The following TP53BP1 variants were observed in gnomAD, a reference collection of about 807,000 sequenced individuals.
The protein encoded by TP53BP1 is tumor protein p53 binding protein 1.
In TP53BP1, 61 loss-of-function variants were observed where a neutral mutation model predicts 200.8. The ratio of observed to expected loss-of-function variants is 0.30; its 90% CI spans 0.25 to 0.38. The LOEUF (loss-of-function observed/expected upper bound fraction) is 0.38. Ranked by LOEUF, TP53BP1 falls within the 10% of genes least tolerant of loss-of-function variation. The pLI is 1.00. For synonymous variants in TP53BP1, 822 were observed against 844.3 expected (o/e 0.97, Z 0.46); for missense variants, 2,144 against 2,371.9 (o/e 0.90, Z 2.00).
At chr15:43,465,414 T>C (rs1162886055) in intron 11 of TP53BP1, among the ~76,000 whole-genome samples, 1 of 152,116 alleles carries the variant, frequency 6.6e-6, no homozygotes, top group Admixed American at 6.5e-5. Flanking sequence ...TAGCCACTGT[T>C]TTTTTAATGA....
Position 43,492,058 on chromosome 15 carries a change from T to C in TP53BP1, c.230A>G (p.Glu77Gly). 1 of 1,614,152 alleles carries C rather than the reference T, an allele frequency of 6.2e-7. No individual in the cohort carries two copies. The highest frequency in any genetic ancestry group is 8.5e-7 in the Non-Finnish European group (1 of 1,179,982). Residue 77 changes from glutamate (E) to glycine (G), a missense_variant, in exon 3 of 28, where the codon GAA becomes GGA. Transcript: ENST00000382044. ...VSNPEQTAGE[E>G]RGDGNSGFNE... Reference sequence around the variant, plus strand: ...GAACCCACTATTACCGTCTCCTCGTTCTTCTCCAGCTGTTTGTTCAGGATT... The same window carrying C: ...GAACCCACTATTACCGTCTCCTCGTCCTTCTCCAGCTGTTTGTTCAGGATT...
intron 1 of TP53BP1, among the ~76,000 whole-genome samples, chr15:43,509,514 T>C (rs887013011): frequency 6.6e-6 from 1 of 152,128 alleles, no homozygotes; most frequent in East Asian, 1.9e-4. Context: ...GTTCAAGTGG[T>C]TCTCCTGCCT....
chr15:43,485,300 G>A (rs908815510), intron 4 of TP53BP1, among the ~76,000 whole-genome samples: 3 of 152,078 alleles, frequency 2.0e-5, no homozygotes, highest in Admixed American at 6.6e-5. Context: ...TACTTTGGCC[G>A]GGCACGGTGG....
chr15:43,436,636 G>A (rs955614264), intron 16 of TP53BP1, among the ~76,000 whole-genome samples: 8 of 150,040 alleles, frequency 5.3e-5, no homozygotes, highest in South Asian at 4.2e-4. Context: ...CACCACATCC[G>A]GCTTTTTTTT....
Position 43,420,339 on chromosome 15 carries a change from C to G in TP53BP1, c.4647G>C (p.Val1549=), listed in dbSNP as rs777795174. 2 of 1,614,136 alleles carry G rather than the reference C, an allele frequency of 1.2e-6. No individual in the cohort carries two copies. The highest frequency in any genetic ancestry group is 1.7e-6 in the Non-Finnish European group (2 of 1,179,968). ...AATACTCATCCTCCGAGAGGGCCGT[C>G]ACTTCAGTGTCCAGCGGGATGGGGT... The part of the protein sequence containing the change: ...LCDPIPLDTE[V]TALSEDEYFS... The change falls in exon 21 of 28, where the codon GTG becomes GTC. Residue 1549 remains valine (V), a synonymous_variant. Transcript: ENST00000382044.
chr15:43,461,345 G>A (rs1303579571), intron 11 of TP53BP1, among the ~76,000 whole-genome samples: 3 of 151,640 alleles, frequency 2.0e-5, no homozygotes, highest in East Asian at 1.9e-4. Flanking sequence ...TCAGCCTCCC[G>A]AGTAGCTGGG....
At position 43,446,622 on chromosome 15, in the gene TP53BP1, A is replaced by C. The variant is rs1384591976; in HGVS notation, c.2837-32T>G. 8 of 1,601,306 alleles carry C rather than the reference A, an allele frequency of 5.0e-6. No homozygotes were observed. The South Asian group carries it at 8.9e-5, about 18-fold the overall frequency. On this transcript the variant is annotated intron_variant, in intron 13 of 27. Transcript: ENST00000382044. The stretch of plus-strand genomic sequence containing the variant: ...GAAGTGAGGCAGGGAGGAAGAAAAA[A>C]AGAACACTAAAATACAAACACAAAA...
chr15:43,415,264 A>G (rs2254325), intron 23 of TP53BP1: 66,847 of 330,726 alleles, frequency 0.2, 13,859 homozygotes, highest in African/African-American at 0.68. Flanking sequence ...CTGGAGTGCA[A>G]TGGTGCAATT....
chr15:43,433,040 G>A (rs1595548394), intron 16 of TP53BP1, among the ~76,000 whole-genome samples: 1 of 151,802 alleles, frequency 6.6e-6, no homozygotes, highest in South Asian at 2.1e-4. Context: ...GGCAACTTAG[G>A]GATCTATTTT....
intron 21 of TP53BP1, among the ~76,000 whole-genome samples, chr15:43,418,219 T>C (rs1009135804): frequency 6.9e-6 from 1 of 144,082 alleles, no homozygotes; most frequent in African/African-American, 2.6e-5. Context: ...ATTTTTTGGC[T>C]GGGCATGGTG....
upstream of TP53BP1, chr15:43,497,672 T>C (rs2079189337): frequency 6.4e-6 from 1 of 155,852 alleles, no homozygotes; most frequent in Non-Finnish European, 1.4e-5. Context: ...GTACCTAGAG[T>C]AGGCAAATTC....
At position 43,457,044 on chromosome 15, in the gene TP53BP1, G is replaced by A; in HGVS notation, c.1564C>T (p.Leu522Phe). 1 of 1,614,158 alleles carries A rather than the reference G, an allele frequency of 6.2e-7. No homozygotes were observed. Among genetic ancestry groups the A allele is most frequent in the East Asian group, 2.2e-5 (1 of 44,878 alleles). ...SLTGDSCKLMLSTSEYSQSPK... is the reference protein window; with the variant it reads ...SLTGDSCKLMFSTSEYSQSPK... ...GACTGACTATATTCACTTGTAGAAA[G>A]CATCAACTTGCAAGAATCCCCTGTC... The change falls in exon 12 of 28, where the codon CTT becomes TTT. Residue 522 changes from leucine to phenylalanine, a missense_variant. Physicochemically the swap from Leu to Phe is conservative, Grantham distance 22. Around this residue, in one of 4 missense-constraint regions of TP53BP1, gnomAD observed 1,700 missense variants for 1,710.3 expected, o/e 0.99. Transcript: ENST00000382044.
intron 11 of TP53BP1, among the ~76,000 whole-genome samples, chr15:43,467,423 T>C (rs2046611720): frequency 6.6e-6 from 1 of 152,174 alleles, no homozygotes; most frequent in South Asian, 2.1e-4. Context: ...CTAAGGCATC[T>C]TATAAAATAT....
intron 18 of TP53BP1, among the ~76,000 whole-genome samples, chr15:43,423,767 T>C (rs2067570744): frequency 1.3e-5 from 2 of 152,202 alleles, no homozygotes; most frequent in Admixed American, 1.3e-4. Context: ...CCCTCCCTTC[T>C]TGAAAATCTC....
chr15:43,479,533 G>A lies in TP53BP1; in HGVS notation c.659-7C>T. ...TGTTCTTCATGCTTAATTGCTGAGAGTTTTATAAAATGACAGGAAGGAGAT... is the reference window on the plus strand; with the variant it reads ...TGTTCTTCATGCTTAATTGCTGAGAATTTTATAAAATGACAGGAAGGAGAT... On this transcript the variant is annotated splice_polypyrimidine_tract_variant and splice_region_variant and intron_variant, in intron 6 of 27. Coordinates refer to ENST00000382044, the MANE Select transcript of TP53BP1 (RefSeq NM_001141980.3). 19 of 1,602,638 alleles carry A rather than the reference G, an allele frequency of 1.2e-5. No homozygotes were observed. The highest frequency in any genetic ancestry group is 1.6e-5 in the Non-Finnish European group (19 of 1,176,100).
intron 25 of TP53BP1, 72 bp downstream of exon 25, chr15:43,409,575 G>A: frequency 1.2e-6 from 1 of 804,874 alleles, no homozygotes; most frequent in East Asian, 2.8e-5. Flanking sequence ...ACCCCTCCCA[G>A]GCCTCTTCTC....
intron 1 of TP53BP1, among the ~76,000 whole-genome samples, chr15:43,500,270 T>G (rs1324893268): frequency 6.6e-6 from 1 of 152,202 alleles, no homozygotes; most frequent in Non-Finnish European, 1.5e-5. Context: ...ACTTCACCCT[T>G]CTGGTTGCTT....
intron 24 of TP53BP1, among the ~76,000 whole-genome samples, chr15:43,412,448 C>T (rs1376447873): frequency 6.6e-6 from 1 of 152,222 alleles, no homozygotes; most frequent in African/African-American, 2.4e-5. Context: ...TTTATATCTG[C>T]TCATTCCCTC....
chr15:43,409,499 C>T, intron 25 of TP53BP1, 148 bp downstream of exon 25: 1 of 521,312 alleles, frequency 1.9e-6, no homozygotes, highest in Non-Finnish European at 3.4e-6. Flanking sequence ...AATTCTATTT[C>T]ATGCAAAAAC....
Sources: allele counts gnomAD v4.1 joint callset (sites outside exome capture counted in the v4.1 genomes callset), GRCh38; gene constraint gnomAD v4.1.1; regional missense constraint gnomAD v4.1.1; transcripts MANE v1.5; gene names NCBI Gene and HGNC (gene_info 2026-07-23, HGNC 2026-07-21).